The following BIN1 variants were observed in gnomAD, a reference collection of about 807,000 sequenced individuals.
BIN1 encodes bridging integrator 1, also known as myc box-dependent-interacting protein 1.
BIN1 carries 53 observed loss-of-function variants against 82.0 expected under a neutral mutation model. That is an observed-to-expected ratio of 0.65 (90% CI 0.52 to 0.81). The LOEUF is 0.81. BIN1 is among the 40% of genes least tolerant of loss of function. BIN1 has a pLI of 0.00. For missense variants in BIN1, 642 were observed against 784.4 expected, an observed-to-expected ratio of 0.82 and a Z score of 2.17; for synonymous variants, 302 against 328.0, an observed-to-expected ratio of 0.92 and a Z score of 0.86.
rs1414756216 is a variant in BIN1, at chr2:127,068,410, G to A, written c.520-155C>T. On this transcript the variant is annotated intron_variant, in intron 6 of 18. Transcript: ENST00000316724. This position sits in a 1 kb window ranked among gnomAD's most constrained non-coding sequence, Gnocchi z 4.9. ...CCCTTGAGGCCGAGAGAATTAGGGG[G>A]AGCCCGGGGGGTAAGGAAAGGGGGT... Among the ~76,000 whole-genome samples the A allele has an allele frequency of 4.6e-5, 7 of 151,866 alleles. No homozygotes were observed. The highest frequency in any genetic ancestry group is 1.0e-4 in the Non-Finnish European group (7 of 67,978).
rs949764833 is a variant in BIN1, at chr2:127,090,105, C to G, written c.85-13399G>C. Among the ~76,000 whole-genome samples, 1 of 152,126 alleles carries G rather than the reference C, an allele frequency of 6.6e-6. No individual in the cohort carries two copies. The highest frequency in any genetic ancestry group is 1.5e-5 in the Non-Finnish European group (1 of 68,014). ...TTGGAACAGCATATACCAACCACCC[C>G]CCTTCCTCTCTCCAATCAAGCTCCC... is the stretch of plus-strand genomic sequence containing the variant. On this transcript the variant is annotated intron_variant, in intron 1 of 18. Coordinates refer to ENST00000316724, the MANE Select transcript of BIN1 (RefSeq NM_139343.3). The surrounding 1 kb of genome is among the most constrained non-coding windows in gnomAD (Gnocchi z 6.4).
Position 127,070,007 on chromosome 2 carries a change from G to A in BIN1, c.399C>T (p.Phe133=), listed in dbSNP as rs755303195. 3.1e-6 allele frequency: 5 copies of A among 1,614,114 alleles called. No homozygotes were observed. The highest frequency in any genetic ancestry group is 4.2e-6 in the Non-Finnish European group (5 of 1,179,966). ...GTGGGTCTCTCACCTTGATGTCGGGGAACTGGCCCAGGTACGTGTCCATGG... is the reference window on the plus strand; with the variant it reads ...GTGGGTCTCTCACCTTGATGTCGGGAAACTGGCCCAGGTACGTGTCCATGG... ...LLTMDTYLGQ[F]PDIKSRIAKR... is the part of the protein sequence containing the mutation. The change falls in exon 5 of 19, where the codon TTC becomes TTT. Residue 133 remains phenylalanine (F), a synonymous_variant. Coordinates refer to ENST00000316724, the MANE Select transcript of BIN1 (RefSeq NM_139343.3).
At chr2:127,083,391 A>G (rs1687551585) in intron 1 of BIN1, among the ~76,000 whole-genome samples, 1 of 152,040 alleles carries the variant, frequency 6.6e-6, no homozygotes, top group Admixed American at 6.6e-5. Flanking sequence ...ACTTTTCTCT[A>G]TATATAAACC....
intron 1 of BIN1, among the ~76,000 whole-genome samples, chr2:127,091,432 T>C (rs1049080217): frequency 2.0e-5 from 3 of 152,236 alleles, no homozygotes; most frequent in Non-Finnish European, 1.5e-5. Flanking sequence ...AAGCCAAGGC[T>C]GGCAGGTTCT....
intron 1 of BIN1, among the ~76,000 whole-genome samples, chr2:127,077,657 G>A (rs1686790864): frequency 6.6e-6 from 1 of 152,162 alleles, no homozygotes; most frequent in South Asian, 2.1e-4. Context: ...AAGGAGCGGT[G>A]GTGGGGCACG....
chr2:127,085,652 G>A (rs565353768), intron 1 of BIN1, among the ~76,000 whole-genome samples: 5 of 152,262 alleles, frequency 3.3e-5, no homozygotes, highest in African/African-American at 1.2e-4. Flanking sequence ...AACCAAGAGC[G>A]AGCCCAGGGT....
At chr2:127,098,113 T>G (rs1573801770) in intron 1 of BIN1, among the ~76,000 whole-genome samples, 1 of 152,198 alleles carries the variant, frequency 6.6e-6, no homozygotes, top group South Asian at 2.1e-4. Flanking sequence ...AGGGTGTAAA[T>G]GCGAAGCCAT....
Position 127,051,176 on chromosome 2 carries a change from G to A in BIN1, c.1439C>T (p.Thr480Met), listed in dbSNP as rs780918654. 2.3e-5 allele frequency: 37 copies of A among 1,613,396 alleles called. No homozygotes were observed. Among genetic ancestry groups the A allele is most frequent in the Admixed American group, 1.7e-4 (10 of 60,004 alleles). The change falls in exon 16 of 19, where the codon ACG becomes ATG. Residue 480 changes from threonine to methionine, a missense_variant. Thr to Met is a moderately conservative substitution (Grantham distance 81). Coordinates refer to ENST00000316724, the MANE Select transcript of BIN1 (RefSeq NM_139343.3). ...TACGGAGGCTGCTTCACTTGCCGCCGTCTCCCCTGGCTCCTGGGCTCCAGC... is the reference window on the plus strand; with the variant it reads ...TACGGAGGCTGCTTCACTTGCCGCCATCTCCCCTGGCTCCTGGGCTCCAGC... ...PAAGAQEPGE[T>M]AASEAASSSL...
intron 2 of BIN1, among the ~76,000 whole-genome samples, chr2:127,073,248 G>A (rs1157258062): frequency 3.3e-5 from 5 of 152,202 alleles, no homozygotes; most frequent in East Asian, 3.9e-4. Context: ...CTCCCCCGAC[G>A]GAGGCCCCAG....
intron 8 of BIN1, 90 bp from the exon 9 acceptor site, chr2:127,063,736 T>A: frequency 6.8e-7 from 1 of 1,466,218 alleles, no homozygotes; most frequent in Non-Finnish European, 9.4e-7. Context: ...CCACACACGC[T>A]CATCAGAGGC....
intron 1 of BIN1, among the ~76,000 whole-genome samples, chr2:127,088,756 G>A (rs1443689674): frequency 6.7e-6 from 1 of 148,936 alleles, no homozygotes; most frequent in Non-Finnish European, 1.5e-5. Context: ...AAAAAAAAAA[G>A]AGAGACACTG....
intron 1 of BIN1, among the ~76,000 whole-genome samples, chr2:127,096,023 T>A (rs1679556154): frequency 6.6e-6 from 1 of 152,188 alleles, no homozygotes. Context: ...ACCTGGAGCC[T>A]GTGGTCTTCC....
In BIN1 at chr2:127,057,630, C is replaced by T. The variant is rs370357173; in HGVS notation, c.1003-29G>A. 3.3e-4 allele frequency: 489 copies of T among 1,494,222 alleles called. No homozygotes were observed. The highest frequency in any genetic ancestry group is 9.2e-4 in the Middle Eastern group (4 of 4,340). The allele number at this position is 1,494,222 out of a possible 1,614,324, so 92.6% of individuals were successfully genotyped here. A position where few individuals can be genotyped will look rare whatever the true frequency, so the allele number is the denominator to read the frequency against. On this transcript the variant is annotated intron_variant, in intron 11 of 18. Transcript: ENST00000316724. The surrounding 1 kb of genome is among the most constrained non-coding windows in gnomAD (Gnocchi z 5.0). ...TGGGTCGGCGGCGGGTGAGGGGCCG[C>T]GCGGGAAGGCACAGCAGAGCACGGG...
At chr2:127,105,410 C>A (rs920181704) in intron 1 of BIN1, among the ~76,000 whole-genome samples, 2 of 151,820 alleles carry the variant, frequency 1.3e-5, no homozygotes, top group African/African-American at 4.8e-5. Context: ...TGCCACCCCC[C>A]CACCCCACAA....
chr2:127,098,142 G>A (rs775217079), intron 1 of BIN1, among the ~76,000 whole-genome samples: 86 of 152,234 alleles, frequency 5.6e-4, no homozygotes, highest in Non-Finnish European at 9.7e-4. Context: ...CTACCCAGGT[G>A]ATCTGCAGGC....
chr2:127,057,452 G>A lies in BIN1; in HGVS notation c.1131+21C>T. On this transcript the variant is annotated intron_variant, in intron 12 of 18. Coordinates refer to ENST00000316724, the MANE Select transcript of BIN1 (RefSeq NM_139343.3). This position sits in a 1 kb window ranked among gnomAD's most constrained non-coding sequence, Gnocchi z 5.0. ...GAGGGCAGGAAGAGAGGAGAGCTGG[G>A]CCGCGGCGGCCGCGGCTGACCTGGG... 6.5e-7 allele frequency: 1 copy of A among 1,541,106 alleles called. No individual in the cohort carries two copies. The highest frequency in any genetic ancestry group is 1.4e-5 in the African/African-American group (1 of 73,058).
chr2:127,107,081 C>T lies in BIN1; in HGVS notation c.-138G>A. 2 of 909,938 alleles carry T rather than the reference C, an allele frequency of 2.2e-6. No homozygotes were observed. Among genetic ancestry groups the T allele is most frequent in the Non-Finnish European group, 3.0e-6 (2 of 674,990 alleles). The allele number at this position is 909,938 out of a possible 1,614,324, so 56.4% of individuals were successfully genotyped here. On this transcript the variant is annotated 5_prime_UTR_variant, in exon 1 of 19. Coordinates refer to ENST00000316724, the MANE Select transcript of BIN1 (RefSeq NM_139343.3). The surrounding 1 kb of genome is among the most constrained non-coding windows in gnomAD (Gnocchi z 5.9). The stretch of plus-strand genomic sequence containing the variant: ...GCCGCGCACCCGACAGCGGAGCCAA[C>T]TGACGGAGGCGGAGCGTGCGCCGGA...
chr2:127,070,444 G>A (rs921386109), intron 4 of BIN1, 109 bp downstream of exon 4: 14 of 1,370,066 alleles, frequency 1.0e-5, no homozygotes, highest in African/African-American at 7.1e-5. Context: ...CACAGCACGC[G>A]AATGCCCGAG....
chr2:127,073,670 AATAGTCAGGGATGCCC>A (rs1686223744), intron 2 of BIN1, among the ~76,000 whole-genome samples: 1 of 152,182 alleles, frequency 6.6e-6, no homozygotes, highest in South Asian at 2.1e-4. Context: ...ACCTTCACTC[AATAGTCAGGGATGCCC>A]ATTTTGAGCA....
Sources: allele counts gnomAD v4.1 joint callset (sites outside exome capture counted in the v4.1 genomes callset), GRCh38; gene constraint gnomAD v4.1.1; non-coding constraint Gnocchi (gnomAD v3.1); transcripts MANE v1.5; gene names NCBI Gene and HGNC (gene_info 2026-07-23, HGNC 2026-07-21).